Variants in NDUFS4 observed in about 807,000 individuals in gnomAD.
The protein encoded by NDUFS4 is NADH:ubiquinone oxidoreductase subunit S4, also known as NADH dehydrogenase [ubiquinone] iron-sulfur protein 4, mitochondrial.
In NDUFS4, 28 loss-of-function variants were observed where a neutral mutation model predicts 24.3. The ratio of observed to expected loss-of-function variants is 1.15; its 90% CI spans 0.85 to 1.58. The LOEUF (loss-of-function observed/expected upper bound fraction) is 1.58, where lower values mean the gene tolerates loss of function less well. Among genes scored for constraint, NDUFS4 ranks in the 40% most tolerant of loss-of-function variants. The pLI, the probability that NDUFS4 is intolerant of heterozygous loss-of-function variation, is 0.00. For missense variants in NDUFS4, 223 were observed against 207.9 expected (o/e 1.07, Z -0.45); for synonymous variants, 93 against 69.7 (o/e 1.34, Z -1.67).
At chr5:53,678,858 A>G (rs375706839) in intron 4 of NDUFS4, among the ~76,000 whole-genome samples, 6 of 152,112 alleles carry the variant, frequency 3.9e-5, no homozygotes, top group African/African-American at 1.2e-4. Context: ...AAGTGTTGTT[A>G]TTCTTAGAGT....
At chr5:53,621,163 G>C (rs1446274161) in intron 2 of NDUFS4, among the ~76,000 whole-genome samples, 1 of 152,134 alleles carries the variant, frequency 6.6e-6, no homozygotes, top group Non-Finnish European at 1.5e-5. Flanking sequence ...GTGTGTTCTT[G>C]ATAAGTTGTT....
At position 53,660,334 on chromosome 5, in the gene NDUFS4, C is replaced by CT. The variant is rs1168379228; in HGVS notation, c.424+1716dup. Among the ~76,000 whole-genome samples, 3 of 152,096 alleles carry CT rather than the reference C, an allele frequency of 2.0e-5. No individual in the cohort carries two copies. The East Asian group carries it at 5.8e-4, about 29-fold the overall frequency. ...TCCCTACAAAGGACATGAACTCATCCTTTTTTATGGCTGCATAGTATTCCA... is the reference window on the plus strand; with the variant it reads ...TCCCTACAAAGGACATGAACTCATCCTTTTTTTATGGCTGCATAGTATTCCA... On this transcript the variant is annotated intron_variant, in intron 4 of 4. Coordinates refer to ENST00000296684, the MANE Select transcript of NDUFS4 (RefSeq NM_002495.4).
intron 2 of NDUFS4, among the ~76,000 whole-genome samples, chr5:53,631,750 C>T (rs981713519): frequency 2.0e-5 from 3 of 152,178 alleles, no homozygotes; most frequent in East Asian, 1.9e-4. Context: ...CATCCCAGGT[C>T]GATCTCAGAC....
At chr5:53,605,661 C>G (rs1035493743) in intron 2 of NDUFS4, among the ~76,000 whole-genome samples, 1 of 152,172 alleles carries the variant, frequency 6.6e-6, no homozygotes, top group African/African-American at 2.4e-5. Flanking sequence ...GGACTCCCCT[C>G]AAGTACCAAA....
chr5:53,567,216 C>G (rs986695651), intron 1 of NDUFS4, among the ~76,000 whole-genome samples: 2 of 152,178 alleles, frequency 1.3e-5, no homozygotes, highest in African/African-American at 4.8e-5. Context: ...AGAGGGTTGA[C>G]TGTAGTCTGA....
At chr5:53,631,051 A>G (rs951813289) in intron 2 of NDUFS4, among the ~76,000 whole-genome samples, 12 of 151,992 alleles carry the variant, frequency 7.9e-5, no homozygotes, top group Admixed American at 7.9e-4. Context: ...TTGGTGACCT[A>G]TGGATGGGGT....
At chr5:53,666,047 C>A (rs567760450) in intron 4 of NDUFS4, among the ~76,000 whole-genome samples, 80 of 152,294 alleles carry the variant, frequency 5.3e-4, no homozygotes, top group African/African-American at 1.4e-3. Context: ...ACTTTCTTGG[C>A]AAGTTCCAAA....
intron 1 of NDUFS4, among the ~76,000 whole-genome samples, chr5:53,600,602 C>T (rs1383722455): frequency 6.6e-6 from 1 of 152,228 alleles, no homozygotes; most frequent in Non-Finnish European, 1.5e-5. Context: ...AGCCACTGCG[C>T]CCAGCCCGGT....
In NDUFS4 at chr5:53,628,822, A is replaced by G. The variant is rs1008582900; in HGVS notation, c.178-17411A>G. Among the ~76,000 whole-genome samples, 7 of 152,270 alleles carry G rather than the reference A, an allele frequency of 4.6e-5. No individual in the cohort carries two copies. The East Asian group carries it at 1.4e-3, about 29-fold the overall frequency. On this transcript the variant is annotated intron_variant, in intron 2 of 4. Transcript: ENST00000296684. Reference sequence around the variant, plus strand: ...ATTTTGTTGATCTTTTTAAAAAACCAGCTTCTGGATTCATTGATTTATTTT... The same window carrying G: ...ATTTTGTTGATCTTTTTAAAAAACCGGCTTCTGGATTCATTGATTTATTTT...
At chr5:53,676,913 G>A (rs116818570) in intron 4 of NDUFS4, among the ~76,000 whole-genome samples, 1,658 of 152,218 alleles carry the variant, frequency 0.011, 12 homozygotes, top group Non-Finnish European at 0.017. Context: ...AGCTAGGGAA[G>A]TACTGCTAAG....
intron 4 of NDUFS4, among the ~76,000 whole-genome samples, chr5:53,671,487 G>A (rs940962727): frequency 8.6e-5 from 13 of 152,032 alleles, no homozygotes; most frequent in South Asian, 2.1e-4. Context: ...TTAAACTTAG[G>A]GCCTCATCCT....
At position 53,631,858 on chromosome 5, in the gene NDUFS4, C is replaced by T. The variant is rs1751420565; in HGVS notation, c.178-14375C>T. On this transcript the variant is annotated intron_variant, in intron 2 of 4. Transcript: ENST00000296684. Reference sequence around the variant, plus strand: ...CAAGCCAGGCACCGATGGGAATCTCCTGGACTGCCGATTGCGAAGACCATG... The same window carrying T: ...CAAGCCAGGCACCGATGGGAATCTCTTGGACTGCCGATTGCGAAGACCATG... Among the ~76,000 whole-genome samples the T allele has an allele frequency of 2.0e-5, 3 of 152,328 alleles. No individual in the cohort carries two copies. In the South Asian group the frequency reaches 6.2e-4, roughly 32 times the overall value.
Position 53,646,221 on chromosome 5 carries a change from G to C in NDUFS4, c.178-12G>C. ...TGTTTGAAACGTGTTTTTTTTTCTT[G>C]TTTTTCTGTAGGATATCACTACTTT... On this transcript the variant is annotated splice_polypyrimidine_tract_variant and intron_variant, in intron 2 of 4. Transcript: ENST00000296684. The C allele has an allele frequency of 6.3e-7, 1 of 1,588,240 alleles. No homozygotes were observed.
intron 4 of NDUFS4, among the ~76,000 whole-genome samples, chr5:53,670,085 A>G (rs1206796673): frequency 6.6e-6 from 1 of 152,132 alleles, no homozygotes; most frequent in African/African-American, 2.4e-5. Context: ...AGCATCCTGA[A>G]GTGTATTGAA....
chr5:53,682,690 T>G (rs1460644196), intron 4 of NDUFS4, among the ~76,000 whole-genome samples: 5 of 152,048 alleles, frequency 3.3e-5, no homozygotes, highest in Admixed American at 3.3e-4. Flanking sequence ...TTTTTCTGTA[T>G]CCCTTTGGAA....
chr5:53,619,497 A>C (rs1207064339), intron 2 of NDUFS4, among the ~76,000 whole-genome samples: 1 of 150,144 alleles, frequency 6.7e-6, no homozygotes, highest in African/African-American at 2.4e-5. Context: ...AAAAAAAAAA[A>C]AAAAAAAAAA....
Position 53,624,140 on chromosome 5 carries a change from T to G in NDUFS4, c.177+20610T>G, listed in dbSNP as rs182271092. Among the ~76,000 whole-genome samples the G allele has an allele frequency of 4.8e-3, 738 of 152,352 alleles. 5 individuals carry two copies. Among genetic ancestry groups the G allele is most frequent in the African/African-American group, 0.017 (709 of 41,588 alleles). ...TGGTGCTTTCCACATCAAATGGTCT[T>G]GGCACTTCTTTAAAAAACCAATTGG... On this transcript the variant is annotated intron_variant, in intron 2 of 4. Transcript: ENST00000296684.
At chr5:53,649,316 AAC>A (rs1295814061) in intron 3 of NDUFS4, among the ~76,000 whole-genome samples, 1 of 152,090 alleles carries the variant, frequency 6.6e-6, no homozygotes, top group East Asian at 1.9e-4. Flanking sequence ...AAATTAAGTA[AAC>A]ACAGTGCCCA....
chr5:53,595,444 G>A (rs1242519487), intron 1 of NDUFS4, among the ~76,000 whole-genome samples: 1 of 152,100 alleles, frequency 6.6e-6, no homozygotes, highest in Non-Finnish European at 1.5e-5. Flanking sequence ...CTGTGGCCAA[G>A]GTAGCTCAAT....
Sources: allele counts gnomAD v4.1 joint callset (sites outside exome capture counted in the v4.1 genomes callset), GRCh38; gene constraint gnomAD v4.1.1; transcripts MANE v1.5; gene names NCBI Gene and HGNC (gene_info 2026-07-23, HGNC 2026-07-21).